Variants in RNF4 observed in about 807,000 individuals in gnomAD.
The protein encoded by RNF4 is ring finger protein 4, also known as E3 ubiquitin-protein ligase RNF4.
A neutral mutation model predicts 24.3 loss-of-function variants in RNF4; 7 were observed. The observed-to-expected ratio is 0.29, with a 90% CI of 0.16 to 0.54. RNF4 has a LOEUF of 0.54. RNF4 is among the 20% of genes least tolerant of loss of function. The pLI, the probability that RNF4 is intolerant of heterozygous loss-of-function variation, is 0.95. For synonymous variants in RNF4, 83 were observed against 84.3 expected (o/e 0.98, Z 0.09); for missense variants, 209 against 248.5 (o/e 0.84, Z 1.07).
chr4:2,469,492 G>C (rs1734823362), intron 1 of RNF4: 1 of 152,236 alleles, frequency 6.6e-6, no homozygotes, highest in Non-Finnish European at 1.5e-5. Flanking sequence ...GGCTCACCCT[G>C]GGGGGCCGCG....
At chr4:2,504,371 C>T (rs914243003) in intron 4 of RNF4, among the ~76,000 whole-genome samples, 1 of 152,072 alleles carries the variant, frequency 6.6e-6, no homozygotes, top group African/African-American at 2.4e-5. Flanking sequence ...ATCCTCATGG[C>T]CACTTTTAAT....
intron 1 of RNF4, among the ~76,000 whole-genome samples, chr4:2,473,413 T>G (rs1349587663): frequency 6.6e-6 from 1 of 151,854 alleles, no homozygotes; most frequent in Non-Finnish European, 1.5e-5. Context: ...CAACAAGAAC[T>G]TGGAAAAAGT....
At chr4:2,499,911 C>CT (rs1334626521) in intron 3 of RNF4, among the ~76,000 whole-genome samples, 1 of 152,108 alleles carries the variant, frequency 6.6e-6, no homozygotes, top group African/African-American at 2.4e-5. Context: ...AATCCCAACA[C>CT]TTTGGAAGAC....
chr4:2,474,919 C>T (rs148177198), intron 1 of RNF4, among the ~76,000 whole-genome samples: 554 of 152,200 alleles, frequency 3.6e-3, no homozygotes, highest in African/African-American at 0.01. Flanking sequence ...CCCAGCTACT[C>T]GGGAAGCTGA....
At chr4:2,498,831 C>T (rs943150115) in intron 3 of RNF4, among the ~76,000 whole-genome samples, 16 of 152,136 alleles carry the variant, frequency 1.1e-4, no homozygotes, top group South Asian at 4.1e-4. Context: ...ATTGAGGCTG[C>T]AGTGAGCCGT....
At chr4:2,491,585 G>A (rs1484697955) in intron 2 of RNF4, among the ~76,000 whole-genome samples, 1 of 152,098 alleles carries the variant, frequency 6.6e-6, no homozygotes, top group Admixed American at 6.5e-5. Flanking sequence ...TTGGATTACA[G>A]GCACCTACCA....
chr4:2,509,265 T>C (rs1736197511), intron 4 of RNF4, among the ~76,000 whole-genome samples: 1 of 151,828 alleles, frequency 6.6e-6, no homozygotes. Context: ...TTGTCTAGGC[T>C]GGAGTGCAAT....
chr4:2,513,771 T>G lies in RNF4; in HGVS notation c.525T>G (p.Thr175=). ...TGAAGAATGCTAATACTTGCCCAACTTGTAGGAAAAAGATCAACCACAAAC... is the reference window on the plus strand; with the variant it reads ...TGAAGAATGCTAATACTTGCCCAACGTGTAGGAAAAAGATCAACCACAAAC... ...DSLKNANTCP[T]CRKKINHKRY... The change falls in exon 8 of 8, where the codon ACT becomes ACG. Residue 175 remains threonine, a synonymous_variant. Transcript: ENST00000314289. 6.2e-7 allele frequency: 1 copy of G among 1,613,940 alleles called. No individual in the cohort carries two copies. The highest frequency in any genetic ancestry group is 8.5e-7 in the Non-Finnish European group (1 of 1,179,884).
chr4:2,505,113 C>T (rs1472738345), intron 4 of RNF4: 1 of 152,066 alleles, frequency 6.6e-6, no homozygotes, highest in Non-Finnish European at 1.5e-5. Flanking sequence ...TAGTACCTAG[C>T]TCATCCCAGT....
At chr4:2,473,383 A>C (rs1283395248) in intron 1 of RNF4, among the ~76,000 whole-genome samples, 3 of 151,328 alleles carry the variant, frequency 2.0e-5, no homozygotes, top group East Asian at 1.9e-4. Flanking sequence ...TTCCGTCTTA[A>C]AAAAAAAAAT....
rs1387480232 is a variant in RNF4 at position 2,502,687 on chromosome 4, T to A, written c.204+1949T>A. ...ACTCCATCTCAAAAAAAAAAAAAAA[T>A]ACAAAAATTAGCCAGGTGTGATGAT... On this transcript the variant is annotated intron_variant, in intron 4 of 7. Transcript: ENST00000314289. Among the ~76,000 whole-genome samples, 513 of 109,300 alleles carry A rather than the reference T, an allele frequency of 4.7e-3. 1 individual carries two copies. Among genetic ancestry groups the A allele is most frequent in the Non-Finnish European group, 6.2e-3 (328 of 53,180 alleles). 71.7% of individuals were successfully genotyped at this position (109,300 alleles called of 152,430 possible).
intron 1 of RNF4, among the ~76,000 whole-genome samples, chr4:2,474,381 C>CAAA (rs35982596): frequency 9.5e-6 from 1 of 105,290 alleles, no homozygotes; most frequent in African/African-American, 3.3e-5. Context: ...GACTCTGTCT[C>CAAA]AAAAAAAAAA....
In RNF4 at chr4:2,513,169, T is replaced by G. The variant is rs754311489; in HGVS notation, c.423+38T>G. On this transcript the variant is annotated intron_variant, in intron 7 of 7. Coordinates refer to ENST00000314289, the MANE Select transcript of RNF4 (RefSeq NM_002938.5). ...AGCTGTATCTTCCAGGCTTCTGGTT[T>G]CTAAACTTCACTGAAAGAATTGGAT... The G allele has an allele frequency of 6.9e-6, 11 of 1,590,448 alleles. No homozygotes were observed. The South Asian group carries it at 9.9e-5, about 14-fold the overall frequency.
chr4:2,513,521 G>A, intron 7 of RNF4, 149 bp from the exon 8 acceptor site: 1 of 879,694 alleles, frequency 1.1e-6, no homozygotes, highest in Non-Finnish European at 1.7e-6. Flanking sequence ...AGCAGACACA[G>A]TTAGCTCTCC....
intron 4 of RNF4, among the ~76,000 whole-genome samples, chr4:2,509,767 C>T (rs939411200): frequency 1.1e-4 from 16 of 152,256 alleles, no homozygotes; most frequent in South Asian, 2.1e-4. Flanking sequence ...AGACTCAGTA[C>T]GCGCACTGTC....
intron 4 of RNF4, among the ~76,000 whole-genome samples, chr4:2,508,666 AG>A (rs1736176165): frequency 6.6e-6 from 1 of 152,094 alleles, no homozygotes; most frequent in Admixed American, 6.6e-5. Context: ...GCTGGAGTGC[AG>A]TGGTGCAATC....
intron 1 of RNF4, chr4:2,479,803 G>T (rs1482303030): frequency 6.6e-6 from 1 of 152,166 alleles, no homozygotes. Context: ...AATTGTGACT[G>T]TTTTTACTTG....
At chr4:2,509,295 G>A (rs1483795560) in intron 4 of RNF4, among the ~76,000 whole-genome samples, 1 of 151,862 alleles carries the variant, frequency 6.6e-6, no homozygotes, top group East Asian at 1.9e-4. Context: ...TCGGCTCACT[G>A]CCCCCTCCAC....
chr4:2,505,532 A>C (rs377664496), intron 4 of RNF4: 1 of 149,446 alleles, frequency 6.7e-6, no homozygotes, highest in Non-Finnish European at 1.5e-5. Context: ...TCACCATGTT[A>C]GCCAGGATGG....
Sources: allele counts gnomAD v4.1 joint callset (sites outside exome capture counted in the v4.1 genomes callset), GRCh38; gene constraint gnomAD v4.1.1; transcripts MANE v1.5; gene names NCBI Gene and HGNC (gene_info 2026-07-23, HGNC 2026-07-21).